ABLIM3: variants seen among roughly 807,000 people sequenced by gnomAD.
ABLIM3 encodes actin binding LIM protein family member 3.
A neutral mutation model predicts 109.5 loss-of-function variants in ABLIM3; 61 were observed. That is an observed-to-expected ratio of 0.56 (90% CI 0.45 to 0.69). ABLIM3 has a LOEUF of 0.69. Ranked by LOEUF, ABLIM3 falls within the 30% of genes least tolerant of loss-of-function variation. The pLI is 0.00. For synonymous variants in ABLIM3, 300 were observed against 324.8 expected (o/e 0.92, Z 0.82); for missense variants, 796 against 889.5 (o/e 0.89, Z 1.34).
intron 7 of ABLIM3, among the ~76,000 whole-genome samples, chr5:149,211,363 C>T (rs974329749): frequency 3.3e-5 from 5 of 152,084 alleles, no homozygotes; most frequent in South Asian, 4.1e-4. Flanking sequence ...TGAGGCCTTG[C>T]TGAGCCCCTG....
At chr5:149,199,627 C>T (rs914766608) in intron 4 of ABLIM3, among the ~76,000 whole-genome samples, 9 of 152,344 alleles carry the variant, frequency 5.9e-5, no homozygotes, top group Admixed American at 5.9e-4. Flanking sequence ...CTCCCTCCAT[C>T]GTGCCACAGT....
chr5:149,162,417 A>C (rs915274017), intron 2 of ABLIM3, among the ~76,000 whole-genome samples: 1 of 152,178 alleles, frequency 6.6e-6, no homozygotes, highest in Non-Finnish European at 1.5e-5. Flanking sequence ...GCATCCCTTC[A>C]TGTGTTTCAG....
intron 8 of ABLIM3, among the ~76,000 whole-genome samples, chr5:149,222,213 G>A (rs1007732090): frequency 2.0e-5 from 3 of 151,708 alleles, no homozygotes; most frequent in Non-Finnish European, 4.4e-5. Flanking sequence ...GCCAAGTACT[G>A]TACTAAGAGT....
At chr5:149,180,225 A>T (rs1232680344) in intron 2 of ABLIM3, among the ~76,000 whole-genome samples, 1 of 152,248 alleles carries the variant, frequency 6.6e-6, no homozygotes, top group African/African-American at 2.4e-5. Flanking sequence ...GAAAAATGTT[A>T]TAAATCATGT....
At position 149,239,750 on chromosome 5, in the gene ABLIM3, C is replaced by A; in HGVS notation, c.1075-9C>A. On this transcript the variant is annotated splice_polypyrimidine_tract_variant and intron_variant, in intron 12 of 23. Transcript: ENST00000309868. ...CCAGCCATGCTCACAGCCCCATTTC[C>A]TCTCCCAGGACATCTACGAGAACCT... The A allele has an allele frequency of 6.3e-7, 1 of 1,588,644 alleles. No individual in the cohort carries two copies. Among genetic ancestry groups the A allele is most frequent in the Admixed American group, 1.8e-5 (1 of 55,676 alleles).
At chr5:149,252,513 G>C in intron 22 of ABLIM3, 1 of 548,836 alleles carries the variant, frequency 1.8e-6, no homozygotes, top group Middle Eastern at 4.8e-4. Flanking sequence ...TATTCCATGG[G>C]CACATGGCAA....
intron 23 of ABLIM3, among the ~76,000 whole-genome samples, chr5:149,253,712 G>A (rs926112854): frequency 6.6e-6 from 1 of 152,088 alleles, no homozygotes; most frequent in South Asian, 2.1e-4. Flanking sequence ...CATGGTGCTG[G>A]GCATTTGAGC....
chr5:149,150,861 T>C (rs1753366085), intron 2 of ABLIM3, among the ~76,000 whole-genome samples: 1 of 152,216 alleles, frequency 6.6e-6, no homozygotes, highest in African/African-American at 2.4e-5. Flanking sequence ...GTCACTTACC[T>C]TCTCTGTGCC....
At position 149,259,543 on chromosome 5, in the gene ABLIM3, CA is replaced by C. The variant is rs772620567; in HGVS notation, c.*1140del. The C allele has an allele frequency of 1.3e-6, 2 of 1,536,336 alleles. No individual in the cohort carries two copies. The highest frequency in any genetic ancestry group is 2.4e-5 in the South Asian group (2 of 84,066). On this transcript the variant is annotated 3_prime_UTR_variant, in exon 24 of 24. Coordinates refer to ENST00000309868, the MANE Select transcript of ABLIM3 (RefSeq NM_014945.5). The stretch of plus-strand genomic sequence containing the variant: ...CTGCTGCAAAGTTGGCCATGTTTCA[CA>C]GGGAAACTTTTGGAAGAGTGGCTGC...
intron 3 of ABLIM3, among the ~76,000 whole-genome samples, chr5:149,184,315 C>T (rs1756749616): frequency 6.6e-6 from 1 of 152,188 alleles, no homozygotes; most frequent in Non-Finnish European, 1.5e-5. Context: ...CCCTGCTCCA[C>T]AGAGCAGCCA....
At chr5:149,193,257 C>G (rs1403142335) in intron 3 of ABLIM3, among the ~76,000 whole-genome samples, 4 of 151,232 alleles carry the variant, frequency 2.6e-5, no homozygotes, top group Non-Finnish European at 4.4e-5. Flanking sequence ...AATAATAATA[C>G]TAAAAAGAAA....
chr5:149,219,317 C>G (rs1760407730), intron 8 of ABLIM3: 1 of 152,228 alleles, frequency 6.6e-6, no homozygotes, highest in South Asian at 2.1e-4. Flanking sequence ...CCCAGAGCTA[C>G]CCAACAGAAA....
At chr5:149,257,619 T>A (rs978330014) in intron 23 of ABLIM3, among the ~76,000 whole-genome samples, 1 of 152,214 alleles carries the variant, frequency 6.6e-6, no homozygotes, top group African/African-American at 2.4e-5. Flanking sequence ...TGTATATTTC[T>A]AACTCTAAAA....
intron 16 of ABLIM3, among the ~76,000 whole-genome samples, chr5:149,245,681 G>A (rs547445581): frequency 1.3e-5 from 2 of 152,248 alleles, no homozygotes; most frequent in South Asian, 2.1e-4. Context: ...AAGAGAGGAT[G>A]TGGGGAGGTG....
At chr5:149,252,330 G>T (rs1390623769) in intron 22 of ABLIM3, 122 bp downstream of exon 22, 16 of 1,165,158 alleles carry the variant, frequency 1.4e-5, no homozygotes, top group African/African-American at 6.3e-5. Flanking sequence ...TAACCCCAGG[G>T]GTCCTTTCAA....
intron 10 of ABLIM3, among the ~76,000 whole-genome samples, chr5:149,234,108 A>G (rs978989979): frequency 3.9e-5 from 6 of 152,236 alleles, no homozygotes; most frequent in African/African-American, 1.4e-4. Flanking sequence ...TTGCAGTTAT[A>G]AATTCCAGGA....
intron 3 of ABLIM3, among the ~76,000 whole-genome samples, chr5:149,185,037 C>T (rs543257519): frequency 5.3e-5 from 8 of 151,902 alleles, no homozygotes; most frequent in South Asian, 4.2e-4. Context: ...TGAGGCGGGA[C>T]GAAGGGTAAA....
At chr5:149,238,389 C>T (rs1443411198) in intron 11 of ABLIM3, among the ~76,000 whole-genome samples, 1 of 152,106 alleles carries the variant, frequency 6.6e-6, no homozygotes, top group African/African-American at 2.4e-5. Flanking sequence ...AGGCAAGTTC[C>T]CTTCCTCCCT....
At chr5:149,204,927 A>T (rs1006679427) in intron 5 of ABLIM3, among the ~76,000 whole-genome samples, 1 of 152,218 alleles carries the variant, frequency 6.6e-6, no homozygotes, top group Admixed American at 6.5e-5. Context: ...AAAGTCGAAG[A>T]GATAGGATTC....
Sources: allele counts gnomAD v4.1 joint callset (sites outside exome capture counted in the v4.1 genomes callset), GRCh38; gene constraint gnomAD v4.1.1; transcripts MANE v1.5; gene names NCBI Gene and HGNC (gene_info 2026-07-23, HGNC 2026-07-21).